Variants in XKR6 observed in about 807,000 individuals in gnomAD.
The protein encoded by XKR6 is XK related 6.
XKR6 carries 22 observed loss-of-function variants against 56.7 expected under a neutral mutation model. That is an observed-to-expected ratio of 0.39 (90% CI 0.28 to 0.55). The LOEUF (loss-of-function observed/expected upper bound fraction) is 0.55. Ranked by LOEUF, XKR6 falls within the 20% of genes least tolerant of loss-of-function variation. XKR6 has a pLI of 0.66. For missense variants in XKR6, 852 were observed against 889.0 expected (o/e 0.96, Z 0.53); for synonymous variants, 524 against 387.8 (o/e 1.35, Z -4.13).
At chr8:11,006,677 C>A (rs1243344434) in intron 1 of XKR6, among the ~76,000 whole-genome samples, 1 of 152,092 alleles carries the variant, frequency 6.6e-6, no homozygotes, top group East Asian at 1.9e-4. Context: ...ATAGCATGTG[C>A]AAAGGCTCAG....
chr8:11,148,696 A>C (rs1801117001), intron 1 of XKR6, among the ~76,000 whole-genome samples: 1 of 152,264 alleles, frequency 6.6e-6, no homozygotes, highest in Non-Finnish European at 1.5e-5. Context: ...AGGAGAAATA[A>C]AAACATGTCC....
At chr8:11,144,966 G>C (rs1471261272) in intron 1 of XKR6, among the ~76,000 whole-genome samples, 5 of 148,116 alleles carry the variant, frequency 3.4e-5, no homozygotes, top group African/African-American at 1.3e-4. Flanking sequence ...AAGGGAGGAA[G>C]GAAGGGAGAG....
chr8:11,051,570 G>T (rs894648594), intron 1 of XKR6, among the ~76,000 whole-genome samples: 1 of 152,044 alleles, frequency 6.6e-6, no homozygotes, highest in Admixed American at 6.6e-5. Context: ...CAAATCTTTG[G>T]CTCCTCTTTT....
intron 1 of XKR6, among the ~76,000 whole-genome samples, chr8:11,015,935 C>A (rs1022323509): frequency 6.6e-6 from 1 of 152,140 alleles, no homozygotes; most frequent in African/African-American, 2.4e-5. Flanking sequence ...CAAGTCCCGA[C>A]TCCTGCGGAC....
At chr8:11,139,607 C>T (rs918299547) in intron 1 of XKR6, among the ~76,000 whole-genome samples, 2 of 152,114 alleles carry the variant, frequency 1.3e-5, no homozygotes, top group African/African-American at 4.8e-5. Flanking sequence ...AAGCCAAGGC[C>T]TCACACTGAG....
At chr8:11,092,251 T>G (rs1196235488) in intron 1 of XKR6, among the ~76,000 whole-genome samples, 1 of 152,228 alleles carries the variant, frequency 6.6e-6, no homozygotes, top group African/African-American at 2.4e-5. Context: ...AAATGTATTT[T>G]TCACTGCAAC....
At chr8:11,194,546 T>C (rs1803762476) in intron 1 of XKR6, 1 of 152,156 alleles carries the variant, frequency 6.6e-6, no homozygotes, top group Admixed American at 6.5e-5. Context: ...GAATAGCACA[T>C]CATGGGGAGT....
Position 10,958,159 on chromosome 8 carries a change from C to T in XKR6, c.765-33329G>A, listed in dbSNP as rs968579764. The stretch of plus-strand genomic sequence containing the variant: ...ATTGCTGTTTACCTAATCCCTGAAT[C>T]TCAAAATAGTCTTCAAATGGACTCT... On this transcript the variant is annotated intron_variant, in intron 1 of 2. Transcript: ENST00000416569. Among the ~76,000 whole-genome samples, 5 of 152,160 alleles carry T rather than the reference C, an allele frequency of 3.3e-5. No individual in the cohort carries two copies. The East Asian group carries it at 7.7e-4, about 23-fold the overall frequency.
chr8:11,082,991 C>T (rs982514213), intron 1 of XKR6, among the ~76,000 whole-genome samples: 1 of 152,230 alleles, frequency 6.6e-6, no homozygotes, highest in Admixed American at 6.5e-5. Context: ...GCCTCACCTT[C>T]CCAGCCCTTT....
At chr8:10,935,391 C>T (rs1323598868) in intron 1 of XKR6, among the ~76,000 whole-genome samples, 3 of 120,006 alleles carry the variant, frequency 2.5e-5, no homozygotes, top group Non-Finnish European at 3.6e-5. Context: ...TTTTGTGTCT[C>T]TATTTCCTTC....
At chr8:10,987,334 G>A (rs746785501) in intron 1 of XKR6, among the ~76,000 whole-genome samples, 2 of 152,176 alleles carry the variant, frequency 1.3e-5, no homozygotes, top group African/African-American at 4.8e-5. Flanking sequence ...CACTGGATAA[G>A]AGCAGAATCA....
chr8:11,183,887 A>T (rs566963896), intron 1 of XKR6, among the ~76,000 whole-genome samples: 4 of 152,302 alleles, frequency 2.6e-5, no homozygotes, highest in African/African-American at 4.8e-5. Flanking sequence ...TTTTGGAAGC[A>T]ATGTACATAG....
At chr8:11,194,706 T>A (rs560205649) in intron 1 of XKR6, 756 of 23,616 alleles carry the variant, frequency 0.032, 23 homozygotes, top group Admixed American at 0.21. Flanking sequence ...CATTACAGAA[T>A]CTATCCACTG....
chr8:11,011,990 A>C (rs943281809), intron 1 of XKR6, among the ~76,000 whole-genome samples: 3 of 152,214 alleles, frequency 2.0e-5, no homozygotes, highest in Non-Finnish European at 4.4e-5. Flanking sequence ...ATGCTTCCAC[A>C]GGTGGGGTGT....
At chr8:11,199,659 A>C (rs967104959) in intron 1 of XKR6, among the ~76,000 whole-genome samples, 3 of 152,214 alleles carry the variant, frequency 2.0e-5, no homozygotes, top group Admixed American at 1.3e-4. Flanking sequence ...TCATTTCCTC[A>C]GTTTAGCCAG....
chr8:11,099,538 C>T (rs745921418), intron 1 of XKR6, among the ~76,000 whole-genome samples: 1 of 152,206 alleles, frequency 6.6e-6, no homozygotes, highest in African/African-American at 2.4e-5. Context: ...CTTACAGTCG[C>T]TGGATTTTTT....
intron 1 of XKR6, among the ~76,000 whole-genome samples, chr8:11,180,049 G>C (rs973001377): frequency 2.0e-5 from 3 of 152,274 alleles, no homozygotes; most frequent in South Asian, 2.1e-4. Flanking sequence ...TGAGGTGGGA[G>C]AACTGTTTGA....
chr8:11,122,208 G>C (rs1179217371), intron 1 of XKR6, among the ~76,000 whole-genome samples: 6 of 152,168 alleles, frequency 3.9e-5, no homozygotes, highest in Admixed American at 2.0e-4. Context: ...CTTTTTATGG[G>C]ACACCCACTA....
intron 1 of XKR6, among the ~76,000 whole-genome samples, chr8:10,957,526 C>A (rs1341310993): frequency 6.6e-6 from 1 of 152,172 alleles, no homozygotes; most frequent in Non-Finnish European, 1.5e-5. Context: ...GATGATACAT[C>A]AATGTCTTGC....
Sources: gnomAD v4.1 joint callset for allele counts (sites outside exome capture counted in the v4.1 genomes callset) on GRCh38, gnomAD v4.1.1 for gene constraint, MANE v1.5 for transcripts, NCBI Gene and HGNC (gene_info 2026-07-23, HGNC 2026-07-21) for gene names.